Variants in ZNF608 observed in about 807,000 individuals in gnomAD.
The protein encoded by ZNF608 is renal carcinoma antigen NY-REN-36.
In ZNF608, 12 loss-of-function variants were observed where a neutral mutation model predicts 109.0. The ratio of observed to expected loss-of-function variants is 0.11; its 90% CI spans 0.07 to 0.18. The LOEUF (loss-of-function observed/expected upper bound fraction) is 0.18, where lower values mean the gene tolerates loss of function less well. ZNF608 is among the 10% of genes least tolerant of loss of function. ZNF608 has a pLI of 1.00. For missense variants in ZNF608, 1,707 were observed against 1,879.3 expected (o/e 0.91, Z 1.70); for synonymous variants, 732 against 717.4 (o/e 1.02, Z -0.33).
chr5:124,717,311 A>T (rs938791258), intron 2 of ZNF608, among the ~76,000 whole-genome samples: 7 of 146,912 alleles, frequency 4.8e-5, no homozygotes, highest in South Asian at 2.1e-4. Context: ...ACTAAAAATT[A>T]AAAAAAAAAA....
At chr5:124,657,590 G>A (rs1423935974) in intron 3 of ZNF608, among the ~76,000 whole-genome samples, 2 of 152,142 alleles carry the variant, frequency 1.3e-5, no homozygotes, top group African/African-American at 4.8e-5. Context: ...CAGGTGAATG[G>A]CGTGAACCCG....
At chr5:124,738,685 T>C (rs1265710043) in intron 2 of ZNF608, among the ~76,000 whole-genome samples, 1 of 152,204 alleles carries the variant, frequency 6.6e-6, no homozygotes, top group African/African-American at 2.4e-5. Flanking sequence ...CACAATATCT[T>C]ATGAAACAGA....
At chr5:124,675,826 G>C (rs1370109840) in intron 3 of ZNF608, among the ~76,000 whole-genome samples, 1 of 152,160 alleles carries the variant, frequency 6.6e-6, no homozygotes, top group Non-Finnish European at 1.5e-5. Flanking sequence ...TGCCCACATG[G>C]GGCAAGAGAG....
intron 3 of ZNF608, among the ~76,000 whole-genome samples, chr5:124,670,643 T>A (rs1195640329): frequency 1.3e-5 from 2 of 152,106 alleles, no homozygotes; most frequent in Admixed American, 1.3e-4. Context: ...CCAGTACACT[T>A]TTCATTAAGT....
intron 3 of ZNF608, among the ~76,000 whole-genome samples, chr5:124,694,791 A>G (rs755274451): frequency 3.1e-4 from 46 of 146,224 alleles, no homozygotes; most frequent in Non-Finnish European, 6.2e-4. Flanking sequence ...TCATTGTTCA[A>G]TTCCCACCTA....
chr5:124,725,604 T>C (rs1754108480), intron 2 of ZNF608, among the ~76,000 whole-genome samples: 2 of 152,162 alleles, frequency 1.3e-5, no homozygotes, highest in African/African-American at 2.4e-5. Flanking sequence ...TTAACTGCTG[T>C]CTATGACATG....
Position 124,649,168 on chromosome 5 carries a change from TC to T in ZNF608, c.1251-36del, listed in dbSNP as rs1294261503. On this transcript the variant is annotated intron_variant, in intron 4 of 9. Transcript: ENST00000513986. ...CAAGTAACAGATGTGAAAATGAGCATCCCCAAAAGAGCCAGGTGAAATCACA... is the reference window on the plus strand; with the variant it reads ...CAAGTAACAGATGTGAAAATGAGCATCCCAAAAGAGCCAGGTGAAATCACA... The T allele has an allele frequency of 4.6e-6, 7 of 1,505,982 alleles. No homozygotes were observed. The East Asian group carries it at 9.1e-5, about 20-fold the overall frequency. The allele number at this position is 1,505,982 out of a possible 1,614,324, so 93.3% of individuals were successfully genotyped here. A position where few individuals can be genotyped will look rare whatever the true frequency, so the allele number is the denominator to read the frequency against.
chr5:124,687,129 G>A (rs1398556157), intron 3 of ZNF608, among the ~76,000 whole-genome samples: 3 of 152,198 alleles, frequency 2.0e-5, no homozygotes, highest in Non-Finnish European at 2.9e-5. Flanking sequence ...TCATACACAC[G>A]TAAACAGACT....
chr5:124,677,884 A>G (rs1008531790), intron 3 of ZNF608, among the ~76,000 whole-genome samples: 24 of 152,328 alleles, frequency 1.6e-4, no homozygotes, highest in African/African-American at 5.8e-4. Flanking sequence ...GCCCCGAGCC[A>G]GAAACACTCA....
At chr5:124,721,965 A>AAAAAAAAAAAAAAAAAAAAC (rs1753935003) in intron 2 of ZNF608, among the ~76,000 whole-genome samples, 1 of 145,004 alleles carries the variant, frequency 6.9e-6, no homozygotes, top group Non-Finnish European at 1.5e-5. Flanking sequence ...AAAAAAAAAA[A>AAAAAAAAAAAAAAAAAAAAC]AAAAAAAGAA....
intron 2 of ZNF608, among the ~76,000 whole-genome samples, chr5:124,721,529 A>T (rs1264823563): frequency 6.6e-6 from 1 of 152,192 alleles, no homozygotes; most frequent in Middle Eastern, 3.2e-3. Context: ...CAGAGCAATA[A>T]ATAGAAATGG....
At position 124,745,027 on chromosome 5, in the gene ZNF608, C is replaced by A; in HGVS notation, c.-38G>T. ...CTCTCTAGAATAAAAATCCGATGAACTTTTCTTTGGAGATGAGGGGACATT... is the reference window on the plus strand; with the variant it reads ...CTCTCTAGAATAAAAATCCGATGAAATTTTCTTTGGAGATGAGGGGACATT... On this transcript the variant is annotated 5_prime_UTR_variant, in exon 2 of 10. Transcript: ENST00000513986. The A allele has an allele frequency of 1.3e-6, 2 of 1,551,822 alleles. No homozygotes were observed. The highest frequency in any genetic ancestry group is 1.3e-5 in the South Asian group (1 of 79,472).
At chr5:124,642,692 C>CTTTTT (rs755561532) in intron 7 of ZNF608, among the ~76,000 whole-genome samples, 29 of 95,290 alleles carry the variant, frequency 3.0e-4, no homozygotes, top group East Asian at 6.1e-4. Flanking sequence ...TTTCTATTGT[C>CTTTTT]TTTTTTTTTT....
intron 2 of ZNF608, among the ~76,000 whole-genome samples, chr5:124,723,092 A>G (rs1002723688): frequency 1.3e-5 from 2 of 150,042 alleles, no homozygotes; most frequent in African/African-American, 2.5e-5. Context: ...GTGCAGTGGC[A>G]CGATCTTGGC....
intron 3 of ZNF608, among the ~76,000 whole-genome samples, chr5:124,667,898 G>A (rs1165456271): frequency 2.0e-5 from 3 of 152,036 alleles, no homozygotes; most frequent in South Asian, 2.1e-4. Flanking sequence ...AGAAGACACC[G>A]GTGCAAAGAG....
rs138950020 is a variant in ZNF608, at chr5:124,647,082, T to C, written c.3302A>G (p.Tyr1101Cys). 1 of 1,614,142 alleles carries C rather than the reference T, an allele frequency of 6.2e-7. No individual in the cohort carries two copies. Among genetic ancestry groups the C allele is most frequent in the East Asian group, 2.2e-5 (1 of 44,882 alleles). Residue 1101 changes from tyrosine (Y) to cysteine (C), a missense_variant, in exon 5 of 10, where the codon TAT becomes TGT. Transcript: ENST00000513986. ...QKSLMATSPA[Y>C]RQQYEKYYED... Reference sequence around the variant, plus strand: ...ATAGTACTTCTCATACTGCTGTCTATAGGCAGGGCTGGTGGCCATCAGAGA... The same window carrying C: ...ATAGTACTTCTCATACTGCTGTCTACAGGCAGGGCTGGTGGCCATCAGAGA...
chr5:124,685,635 A>ACAACAG (rs997466691), intron 3 of ZNF608, among the ~76,000 whole-genome samples: 4 of 151,660 alleles, frequency 2.6e-5, no homozygotes, highest in Non-Finnish European at 4.4e-5. Context: ...AAAAAAAACA[A>ACAACAG]CAACAGCAAC....
rs1750052292 is a variant in ZNF608 at position 124,637,974 on chromosome 5, G to A, written c.4533-68C>T. ...TTTTGTTTGTTTGTTTTTTGAGTCG[G>A]AGTTTTGCTCTTGTTGCCCAGGCTA... On this transcript the variant is annotated intron_variant, in intron 9 of 9. Transcript: ENST00000513986. The A allele has an allele frequency of 3.2e-6, 5 of 1,586,058 alleles. No homozygotes were observed. The Admixed American group carries it at 8.4e-5, about 27-fold the overall frequency.
chr5:124,689,057 ATACT>A (rs1201661362), intron 3 of ZNF608, among the ~76,000 whole-genome samples: 1 of 152,230 alleles, frequency 6.6e-6, no homozygotes, highest in East Asian at 1.9e-4. Context: ...AAAAGGTGAA[ATACT>A]TAGGTAGTAT....
Sources: gnomAD v4.1 joint callset for allele counts (sites outside exome capture counted in the v4.1 genomes callset) on GRCh38, gnomAD v4.1.1 for gene constraint, MANE v1.5 for transcripts, NCBI Gene and HGNC (gene_info 2026-07-23, HGNC 2026-07-21) for gene names.